The following PCDHGA3 variants were observed in gnomAD, a reference collection of about 807,000 sequenced individuals.
PCDHGA3 encodes protocadherin gamma subfamily A, 3.
PCDHGA3 carries 40 observed loss-of-function variants against 58.5 expected under a neutral mutation model. The observed-to-expected ratio is 0.68, with a 90% confidence interval of 0.53 to 0.89. The LOEUF (loss-of-function observed/expected upper bound fraction) is 0.89. Ranked by LOEUF, PCDHGA3 falls within the 40% of genes least tolerant of loss-of-function variation. PCDHGA3 has a pLI of 0.00. For missense variants in PCDHGA3, 1,223 were observed against 1,195.9 expected (o/e 1.02, Z -0.33); for synonymous variants, 530 against 525.7 (o/e 1.01, Z -0.11).
At chr5:141,416,011 G>A (rs2095982763) in intron 1 of PCDHGA3, 2 of 239,912 alleles carry the variant, frequency 8.3e-6, no homozygotes, top group Non-Finnish European at 7.8e-6. Flanking sequence ...GGTAAGAATA[G>A]GTAAGTATCA....
In PCDHGA3 at chr5:141,345,914, C is replaced by T. The variant is rs199541335; in HGVS notation, c.1881C>T (p.Arg627=). 8.1e-5 allele frequency: 131 copies of T among 1,613,326 alleles called. No homozygotes were observed. The Middle Eastern group carries it at 1.7e-3, about 21-fold the overall frequency. ...FSVGLHTGEV[R]TARALLDRDA... is the part of the protein sequence containing the mutation. ...TGGGTCTGCACACGGGCGAGGTGCGCACGGCGCGAGCCCTGCTGGACAGAG... is the reference window on the plus strand; with the variant it reads ...TGGGTCTGCACACGGGCGAGGTGCGTACGGCGCGAGCCCTGCTGGACAGAG... Residue 627 remains arginine (R), a synonymous_variant, in exon 1 of 4, where the codon CGC becomes CGT. Transcript: ENST00000253812.
Position 141,383,402 on chromosome 5 carries a change from A to T in PCDHGA3, c.2424+36945A>T, listed in dbSNP as rs757890929. 4.3e-6 allele frequency: 7 copies of T among 1,614,034 alleles called. No individual in the cohort carries two copies. In the Admixed American group the frequency reaches 8.3e-5, roughly 19 times the overall value. The stretch of plus-strand genomic sequence containing the variant: ...CCAGATGTGGGCACGAACTCCCTCC[A>T]GAGTTACCAGCTCAGCCCCAATCGC... On this transcript the variant is annotated intron_variant, in intron 1 of 3. Transcript: ENST00000253812.
At chr5:141,355,857 C>A in intron 1 of PCDHGA3, 4 of 1,612,456 alleles carry the variant, frequency 2.5e-6, no homozygotes, top group Non-Finnish European at 3.4e-6. Context: ...ATGGAGGTGA[C>A]CCGGTTCGCT....
chr5:141,468,853 G>A (rs893773356), intron 1 of PCDHGA3, among the ~76,000 whole-genome samples: 7 of 151,000 alleles, frequency 4.6e-5, no homozygotes, highest in Admixed American at 6.6e-5. Context: ...GCAACAGAGC[G>A]AGACTCCATC....
intron 1 of PCDHGA3, among the ~76,000 whole-genome samples, chr5:141,443,537 T>C (rs986467958): frequency 6.6e-6 from 1 of 152,180 alleles, no homozygotes; most frequent in African/African-American, 2.4e-5. Flanking sequence ...ATTTAAAGCT[T>C]GGGAAATTGT....
intron 1 of PCDHGA3, chr5:141,352,555 C>T (rs1448531840): frequency 6.2e-7 from 1 of 1,613,890 alleles, no homozygotes; most frequent in Non-Finnish European, 8.5e-7. Context: ...ATTCTCTCAA[C>T]CTGACACCGG....
At chr5:141,376,677 T>TG in intron 1 of PCDHGA3, 1 of 105,326 alleles carries the variant, frequency 9.5e-6, no homozygotes, top group Non-Finnish European at 1.5e-5. Context: ...GAGGGTATCG[T>TG]TTTTTTTTTT....
In PCDHGA3 at chr5:141,408,711, A is replaced by T. The variant is rs763392682; in HGVS notation, c.2424+62254A>T. The T allele has an allele frequency of 9.3e-6, 15 of 1,612,568 alleles. No homozygotes were observed. In the East Asian group the frequency reaches 3.3e-4, roughly 36 times the overall value. On this transcript the variant is annotated intron_variant, in intron 1 of 3. Transcript: ENST00000253812. The stretch of plus-strand genomic sequence containing the variant: ...ATAAACATAAACTCAATTAAAGATT[A>T]TAAGATAAACTCTAATCCTTATTTT...
At chr5:141,416,362 G>A (rs562901653) in intron 1 of PCDHGA3, 4 of 152,306 alleles carry the variant, frequency 2.6e-5, no homozygotes, top group African/African-American at 7.2e-5. Flanking sequence ...GGAGGCTATA[G>A]AGGGTGAAAT....
At chr5:141,355,525 C>G (rs372880202) in intron 1 of PCDHGA3, 3 of 1,613,910 alleles carry the variant, frequency 1.9e-6, no homozygotes, top group African/African-American at 2.7e-5. Flanking sequence ...CCTGGAGATT[C>G]TTCTAGAAGA....
At position 141,361,737 on chromosome 5, in the gene PCDHGA3, C is replaced by T. The variant is rs10062250; in HGVS notation, c.2424+15280C>T. On this transcript the variant is annotated intron_variant, in intron 1 of 3. Coordinates refer to ENST00000253812, the MANE Select transcript of PCDHGA3 (RefSeq NM_018916.4). Reference sequence around the variant, plus strand: ...GCGCCTTCGAGCTCACACTGCAGGCCCGCGACCAGGGCTCGCCCGCGCTCA... The same window carrying T: ...GCGCCTTCGAGCTCACACTGCAGGCTCGCGACCAGGGCTCGCCCGCGCTCA... 1,285 of 1,613,162 alleles carry T rather than the reference C, an allele frequency of 8.0e-4. 14 individuals are homozygous for T. In the African/African-American group the frequency reaches 0.015, roughly 19 times the overall value.
chr5:141,370,433 G>A, intron 1 of PCDHGA3: 1 of 1,601,376 alleles, frequency 6.2e-7, no homozygotes, highest in Non-Finnish European at 8.5e-7. Flanking sequence ...CAGCAGGGCA[G>A]AGGCGAATGC....
At chr5:141,415,597 A>G (rs1206125540) in intron 1 of PCDHGA3, 2 of 1,613,800 alleles carry the variant, frequency 1.2e-6, no homozygotes, top group South Asian at 1.1e-5. Flanking sequence ...TATAGAGGAT[A>G]CCCCATTGGT....
At chr5:141,488,594 C>T (rs1398982317) in intron 1 of PCDHGA3, among the ~76,000 whole-genome samples, 3 of 152,164 alleles carry the variant, frequency 2.0e-5, no homozygotes, top group African/African-American at 7.2e-5. Context: ...CAGGGCAAGA[C>T]TTTACAAGGT....
intron 1 of PCDHGA3, among the ~76,000 whole-genome samples, chr5:141,369,777 G>A (rs1766479058): frequency 1.3e-5 from 2 of 152,188 alleles, no homozygotes; most frequent in South Asian, 2.1e-4. Context: ...GATATTTCAA[G>A]CCTCTTTATA....
rs146719320 is a variant in PCDHGA3, at chr5:141,444,557, A to T, written c.2425-50250A>T. ...TGTGTCTAGTGAGCAAAAGGCACTTATTTGACACTTTTGACTCTTCCTTTC... is the reference window on the plus strand; with the variant it reads ...TGTGTCTAGTGAGCAAAAGGCACTTTTTTGACACTTTTGACTCTTCCTTTC... On this transcript the variant is annotated intron_variant, in intron 1 of 3. Transcript: ENST00000253812. Among the ~76,000 whole-genome samples, 1,352 of 152,248 alleles carry T rather than the reference A, an allele frequency of 8.9e-3. 18 individuals carry two copies. The highest frequency in any genetic ancestry group is 0.031 in the African/African-American group (1,277 of 41,558).
chr5:141,415,098 G>A, intron 1 of PCDHGA3: 5 of 1,613,586 alleles, frequency 3.1e-6, no homozygotes, highest in Non-Finnish European at 4.2e-6. Context: ...ACAGAGACGC[G>A]CTCAAGCAAA....
At chr5:141,423,025 G>A in intron 1 of PCDHGA3, 1 of 1,614,222 alleles carries the variant, frequency 6.2e-7, no homozygotes, top group Non-Finnish European at 8.5e-7. Context: ...CAAAGATTCA[G>A]GCCAGAACGC....
intron 1 of PCDHGA3, chr5:141,479,750 G>T: frequency 6.6e-6 from 1 of 152,310 alleles, no homozygotes. Context: ...CAATGTGAAA[G>T]GTAGATAAAT....
Sources: allele counts gnomAD v4.1 joint callset (sites outside exome capture counted in the v4.1 genomes callset), GRCh38; gene constraint gnomAD v4.1.1; transcripts MANE v1.5; gene names NCBI Gene and HGNC (gene_info 2026-07-23, HGNC 2026-07-21).